The following CELF2 variants were observed in gnomAD, a reference collection of about 807,000 sequenced individuals.
The protein encoded by CELF2 is CUG triplet repeat RNA-binding protein 2.
A neutral mutation model predicts 62.6 loss-of-function variants in CELF2; 8 were observed. The ratio of observed to expected loss-of-function variants is 0.13; its 90% CI spans 0.07 to 0.23. The LOEUF is 0.23. CELF2 is among the 10% of genes least tolerant of loss of function. The probability of loss-of-function intolerance (pLI) is 1.00; values close to 1 mark genes in which losing one functional copy is unlikely to be tolerated. For synonymous variants in CELF2, 258 were observed against 250.0 expected (o/e 1.03, Z -0.30); for missense variants, 333 against 671.0 (o/e 0.50, Z 5.56).
the CELF2 span, among the ~76,000 whole-genome samples, chr10:10,788,683 G>A: frequency 1.1e-4 from 16 of 151,924 alleles, no homozygotes; most frequent in East Asian, 1.9e-3. Flanking sequence ...GGCTGATCTC[G>A]AACTCCTGAC....
intron 2 of CELF2, among the ~76,000 whole-genome samples, chr10:11,186,616 T>A (rs964788466): frequency 1.6e-4 from 25 of 152,226 alleles, no homozygotes; most frequent in Non-Finnish European, 2.5e-4. Context: ...AGTTTCTAAA[T>A]ACAGATTGCG....
intron 1 of CELF2, among the ~76,000 whole-genome samples, chr10:11,056,351 G>T (rs2065238425): frequency 6.6e-6 from 1 of 152,240 alleles, no homozygotes; most frequent in Non-Finnish European, 1.5e-5. Flanking sequence ...CCTTTTCTAA[G>T]ATGCATAGCT....
rs2083587061 is a variant in CELF2 at position 11,270,998 on chromosome 10, G to A, written c.777+174G>A. On this transcript the variant is annotated intron_variant, in intron 7 of 12. Coordinates refer to ENST00000633077, the MANE Select transcript of CELF2 (RefSeq NM_001326342.2). This position sits in a 1 kb window ranked among gnomAD's most constrained non-coding sequence, Gnocchi z 5.8. ...AGTTAGATTGATTCTGTTAAGAACA[G>A]GACTAATTGAATTCCTGCCTGATGT... 2.0e-5 allele frequency among the ~76,000 whole-genome samples: 3 copies of A among 152,184 alleles called. No homozygotes were observed. The highest frequency in any genetic ancestry group is 4.4e-5 in the Non-Finnish European group (3 of 68,040).
At chr10:10,715,878 A>C in the CELF2 span, among the ~76,000 whole-genome samples, 1 of 152,218 alleles carries the variant, frequency 6.6e-6, no homozygotes, top group Non-Finnish European at 1.5e-5. Flanking sequence ...ATGACCAGGA[A>C]GTTAGTTCCT....
chr10:11,305,966 G>A lies in CELF2; in HGVS notation c.977-8173G>A, dbSNP rs908994281. ...TCACAAAAGGCCACAGACTTTGTCT[G>A]CACATGAGCTGATAAAACCATGGCC... On this transcript the variant is annotated intron_variant, in intron 9 of 12. Coordinates refer to ENST00000633077, the MANE Select transcript of CELF2 (RefSeq NM_001326342.2). The surrounding 1 kb of genome is among the most constrained non-coding windows in gnomAD (Gnocchi z 4.8). Among the ~76,000 whole-genome samples, 1 of 152,194 alleles carries A rather than the reference G, an allele frequency of 6.6e-6. No homozygotes were observed. Among genetic ancestry groups the A allele is most frequent in the Non-Finnish European group, 1.5e-5 (1 of 68,054 alleles).
At chr10:11,126,099 A>G (rs1353235150) in intron 1 of CELF2, among the ~76,000 whole-genome samples, 2 of 152,246 alleles carry the variant, frequency 1.3e-5, no homozygotes, top group Non-Finnish European at 2.9e-5. Flanking sequence ...TTGAGTAGTC[A>G]AGATACGCTG....
the CELF2 span, among the ~76,000 whole-genome samples, chr10:10,699,327 T>A: frequency 6.6e-6 from 1 of 152,226 alleles, no homozygotes; most frequent in Non-Finnish European, 1.5e-5. Context: ...GATTTCAATA[T>A]AATCTGTGGG....
At chr10:10,883,905 C>G (rs1479306365) in intron 1 of CELF2, among the ~76,000 whole-genome samples, 1 of 151,228 alleles carries the variant, frequency 6.6e-6, no homozygotes, top group Non-Finnish European at 1.5e-5. Flanking sequence ...TTCTTCCTCC[C>G]CCTCTTCCTC....
At chr10:10,670,297 A>G in the CELF2 span, among the ~76,000 whole-genome samples, 4 of 152,222 alleles carry the variant, frequency 2.6e-5, no homozygotes, top group Admixed American at 6.5e-5. Flanking sequence ...AACAAGAGTC[A>G]TAACACCCTT....
chr10:10,759,296 C>CTTTTTTTTTTTTT, the CELF2 span, among the ~76,000 whole-genome samples: 1 of 120,882 alleles, frequency 8.3e-6, no homozygotes, highest in Non-Finnish European at 1.7e-5. Flanking sequence ...GCCCATTTTT[C>CTTTTTTTTTTTTT]TTTTTTTTTT....
At chr10:10,989,800 A>T (rs931714021) in intron 2 of CELF2, among the ~76,000 whole-genome samples, 1 of 152,068 alleles carries the variant, frequency 6.6e-6, no homozygotes, top group Non-Finnish European at 1.5e-5. Flanking sequence ...CAACTTGATT[A>T]AAAAAACAGT....
At chr10:11,005,281 AGAGAGAGAGAGAGGGAG>A, upstream of CELF2, 1 of 1,592,568 alleles carries the variant, frequency 6.3e-7, no homozygotes, top group African/African-American at 1.4e-5. This position sits in a 1 kb window ranked among gnomAD's most constrained non-coding sequence, Gnocchi z 4.3. Flanking sequence ...AGAGAGAGAG[AGAGAGAGAGAGAGGGAG>A]GAGAGGGCGC....
the CELF2 span, among the ~76,000 whole-genome samples, chr10:10,673,977 T>C: frequency 2.0e-5 from 3 of 152,200 alleles, no homozygotes; most frequent in Non-Finnish European, 4.4e-5. Context: ...CCATGTCAGC[T>C]TGAGAAGAAT....
At chr10:11,140,910 G>A (rs1447050235) in intron 1 of CELF2, among the ~76,000 whole-genome samples, 3 of 152,168 alleles carry the variant, frequency 2.0e-5, no homozygotes, top group Middle Eastern at 3.2e-3. Flanking sequence ...CCAGTTACTT[G>A]GGAGGCTGAC....
At chr10:11,025,239 G>GTGTGTATGTATATATA (rs61580670) in intron 1 of CELF2, among the ~76,000 whole-genome samples, 1 of 140,998 alleles carries the variant, frequency 7.1e-6, no homozygotes, top group African/African-American at 2.6e-5. Flanking sequence ...GTGTGTGTGT[G>GTGTGTATGTATATATA]TATATGTATG....
rs990339854 is a variant in CELF2 at position 11,255,784 on chromosome 10, A to C, written c.404-1954A>C. 8.5e-5 allele frequency among the ~76,000 whole-genome samples: 13 copies of C among 152,068 alleles called. No homozygotes were observed. Among genetic ancestry groups the C allele is most frequent in the African/African-American group, 3.1e-4 (13 of 41,390 alleles). On this transcript the variant is annotated intron_variant, in intron 4 of 12. Coordinates refer to ENST00000633077, the MANE Select transcript of CELF2 (RefSeq NM_001326342.2). The surrounding 1 kb of genome is among the most constrained non-coding windows in gnomAD (Gnocchi z 5.5). ...AGAAAAGAGTCTAAACTTTCATTCC[A>C]TGGATGACAAAACAGAGGTCCTCAG...
chr10:10,741,878 T>C, the CELF2 span, among the ~76,000 whole-genome samples: 5 of 152,342 alleles, frequency 3.3e-5, no homozygotes, highest in South Asian at 6.2e-4. Context: ...TGGTGGTTCT[T>C]GTCTACAACA....
At chr10:11,304,886 G>C (rs2094080320) in intron 9 of CELF2, among the ~76,000 whole-genome samples, 2 of 152,182 alleles carry the variant, frequency 1.3e-5, no homozygotes, top group African/African-American at 4.8e-5. Flanking sequence ...GGGTTGGCTG[G>C]GGGGTGAACA....
the CELF2 span, among the ~76,000 whole-genome samples, chr10:10,552,000 T>G: frequency 6.6e-6 from 1 of 152,188 alleles, no homozygotes; most frequent in Non-Finnish European, 1.5e-5. Context: ...ATTTAAAGTT[T>G]CACATCTGCA....
Sources: gnomAD v4.1 joint callset for allele counts (sites outside exome capture counted in the v4.1 genomes callset) on GRCh38, gnomAD v4.1.1 for gene constraint, Gnocchi (gnomAD v3.1) non-coding constraint, MANE v1.5 for transcripts, NCBI Gene and HGNC (gene_info 2026-07-23, HGNC 2026-07-21) for gene names.